ABCD3: variants seen among roughly 807,000 people sequenced by gnomAD.
The protein encoded by ABCD3 is ATP binding cassette subfamily D member 3, also known as ATP-binding cassette sub-family D member 3.
A neutral mutation model predicts 105.5 loss-of-function variants in ABCD3; 41 were observed. The ratio of observed to expected loss-of-function variants is 0.39; its 90% CI spans 0.30 to 0.50. The LOEUF (loss-of-function observed/expected upper bound fraction) is 0.50, where lower values mean the gene tolerates loss of function less well. Ranked by LOEUF, ABCD3 falls within the 20% of genes least tolerant of loss-of-function variation. The pLI, the probability that ABCD3 is intolerant of heterozygous loss-of-function variation, is 0.84. For synonymous variants in ABCD3, 258 were observed against 269.0 expected, an observed-to-expected ratio of 0.96 and a Z score of 0.40; for missense variants, 622 against 806.3, an observed-to-expected ratio of 0.77 and a Z score of 2.77.
intron 4 of ABCD3, among the ~76,000 whole-genome samples, chr1:94,469,663 CTTTT>C (rs5776221): frequency 1.4e-5 from 1 of 70,078 alleles, no homozygotes; most frequent in Non-Finnish European, 2.9e-5. Flanking sequence ...GTGTTCTTGC[CTTTT>C]TTTTTTTTTT....
intron 1 of ABCD3, among the ~76,000 whole-genome samples, chr1:94,427,367 G>A (rs1404564533): frequency 2.6e-5 from 4 of 152,122 alleles, no homozygotes; most frequent in South Asian, 2.1e-4. Flanking sequence ...CAAAAATTTC[G>A]TGGTCCCTTT....
At chr1:94,419,430 A>AG in intron 1 of ABCD3, 4 of 862,564 alleles carry the variant, frequency 4.6e-6, no homozygotes, top group Non-Finnish European at 5.6e-6. Flanking sequence ...AAAGTAAAAA[A>AG]GAGAGAGCTG....
intron 1 of ABCD3, among the ~76,000 whole-genome samples, chr1:94,433,805 C>T (rs1659788415): frequency 6.9e-6 from 1 of 145,766 alleles, no homozygotes; most frequent in African/African-American, 2.5e-5. Flanking sequence ...GGCCATCATG[C>T]CCTGCTAATT....
intron 1 of ABCD3, among the ~76,000 whole-genome samples, chr1:94,430,972 A>C (rs1007397007): frequency 6.6e-6 from 1 of 152,220 alleles, no homozygotes; most frequent in Non-Finnish European, 1.5e-5. Context: ...TCTAAGATGC[A>C]CTTTTTTTAC....
At chr1:94,433,414 A>G (rs1570739796) in intron 1 of ABCD3, among the ~76,000 whole-genome samples, 1 of 151,996 alleles carries the variant, frequency 6.6e-6, no homozygotes, top group East Asian at 2.0e-4. Flanking sequence ...TTGGCCTCCC[A>G]AAGTGCTGGG....
intron 1 of ABCD3, among the ~76,000 whole-genome samples, chr1:94,455,571 C>T (rs1317046635): frequency 6.6e-6 from 1 of 152,158 alleles, no homozygotes; most frequent in Non-Finnish European, 1.5e-5. Flanking sequence ...GTGATCCTCC[C>T]ACCTTAACCT....
chr1:94,440,676 T>C (rs1660100007), intron 1 of ABCD3, among the ~76,000 whole-genome samples: 1 of 152,210 alleles, frequency 6.6e-6, no homozygotes, highest in South Asian at 2.1e-4. Context: ...TTCACTCTGC[T>C]ACCTTTCGGG....
At chr1:94,456,632 T>C (rs1647585674) in intron 1 of ABCD3, among the ~76,000 whole-genome samples, 1 of 151,870 alleles carries the variant, frequency 6.6e-6, no homozygotes, top group African/African-American at 2.4e-5. Flanking sequence ...CCACATATTC[T>C]TTATCCATTG....
At chr1:94,431,365 A>C (rs1035095474) in intron 1 of ABCD3, among the ~76,000 whole-genome samples, 1 of 152,212 alleles carries the variant, frequency 6.6e-6, no homozygotes, top group Non-Finnish European at 1.5e-5. Flanking sequence ...CATGCCACCA[A>C]GTCAAAGTCG....
the ABCD3 span, among the ~76,000 whole-genome samples, chr1:94,408,428 TC>T: frequency 1.2e-3 from 152 of 131,282 alleles, no homozygotes; most frequent in Non-Finnish European, 1.6e-3. Flanking sequence ...ACTAAAAAAA[TC>T]CAAAAAAAAA....
chr1:94,501,057 G>A (rs1230843889), intron 20 of ABCD3, among the ~76,000 whole-genome samples: 2 of 152,078 alleles, frequency 1.3e-5, no homozygotes, highest in African/African-American at 4.8e-5. Context: ...AATAATGAAT[G>A]TACTTAAACC....
At chr1:94,508,496 A>G (rs972400088) in intron 21 of ABCD3, among the ~76,000 whole-genome samples, 1 of 151,422 alleles carries the variant, frequency 6.6e-6, no homozygotes, top group South Asian at 2.1e-4. Flanking sequence ...GTTCCATATG[A>G]ACTTTAAAGT....
At chr1:94,420,469 T>C (rs1659215514) in intron 1 of ABCD3, among the ~76,000 whole-genome samples, 1 of 152,188 alleles carries the variant, frequency 6.6e-6, no homozygotes, top group Non-Finnish European at 1.5e-5. Flanking sequence ...CTTTGTGAGC[T>C]TTTGTGGGGA....
At chr1:94,441,503 T>A (rs1258922088) in intron 1 of ABCD3, among the ~76,000 whole-genome samples, 1 of 152,208 alleles carries the variant, frequency 6.6e-6, no homozygotes. Flanking sequence ...CCACTGAGGA[T>A]ACAGCTCTGA....
At chr1:94,496,295 G>T (rs987774293) in intron 16 of ABCD3, among the ~76,000 whole-genome samples, 1 of 152,092 alleles carries the variant, frequency 6.6e-6, no homozygotes, top group African/African-American at 2.4e-5. Context: ...GTCTGTCTAT[G>T]AATTTGACTG....
upstream of ABCD3, among the ~76,000 whole-genome samples, chr1:94,414,582 A>AT (rs1658965372): frequency 6.6e-6 from 1 of 152,138 alleles, no homozygotes; most frequent in African/African-American, 2.4e-5. Flanking sequence ...CCAGACCTGC[A>AT]ATACACCTTT....
chr1:94,458,986 C>T (rs1647733029), intron 2 of ABCD3, among the ~76,000 whole-genome samples: 1 of 134,522 alleles, frequency 7.4e-6, no homozygotes, highest in Admixed American at 7.6e-5. Flanking sequence ...CCTCCCCTCT[C>T]CTTTTCTCCC....
At chr1:94,444,444 T>G (rs1570752674) in intron 1 of ABCD3, among the ~76,000 whole-genome samples, 1 of 151,868 alleles carries the variant, frequency 6.6e-6, no homozygotes, top group South Asian at 2.1e-4. Flanking sequence ...TGATTACAGG[T>G]GTGAGCCACT....
At chr1:94,389,750 G>T in the ABCD3 span, among the ~76,000 whole-genome samples, 1 of 152,104 alleles carries the variant, frequency 6.6e-6, no homozygotes, top group South Asian at 2.1e-4. Context: ...CGACTGAGCT[G>T]GTCTTGGCAA....
Sources: allele counts gnomAD v4.1 joint callset (sites outside exome capture counted in the v4.1 genomes callset), GRCh38; gene constraint gnomAD v4.1.1; transcripts MANE v1.5; gene names NCBI Gene and HGNC (gene_info 2026-07-23, HGNC 2026-07-21).